Variants in SGK3 observed in about 807,000 individuals in gnomAD.
SGK3 encodes the protein serine/threonine-protein kinase Sgk3.
SGK3 carries 47 observed loss-of-function variants against 68.5 expected under a neutral mutation model. The ratio of observed to expected loss-of-function variants is 0.69; its 90% CI spans 0.54 to 0.87. The LOEUF is 0.87. Ranked by LOEUF, SGK3 falls within the 40% of genes least tolerant of loss-of-function variation. SGK3 has a pLI of 0.00. For synonymous variants in SGK3, 181 were observed against 189.1 expected, an observed-to-expected ratio of 0.96 and a Z score of 0.35; for missense variants, 479 against 575.5, an observed-to-expected ratio of 0.83 and a Z score of 1.72.
intron 10 of SGK3, among the ~76,000 whole-genome samples, chr8:66,836,925 A>G (rs147002135): frequency 9.2e-5 from 14 of 152,192 alleles, no homozygotes; most frequent in Admixed American, 5.9e-4. Context: ...TGTTTCAACC[A>G]ATCTCTTAAG....
At chr8:66,812,216 G>A (rs576890158) in intron 4 of SGK3, among the ~76,000 whole-genome samples, 5 of 152,226 alleles carry the variant, frequency 3.3e-5, no homozygotes, top group East Asian at 1.9e-4. Context: ...GACATTTGCC[G>A]TTAGGAGACA....
At chr8:66,751,344 G>T (rs150686259) in intron 1 of SGK3, among the ~76,000 whole-genome samples, 1 of 152,028 alleles carries the variant, frequency 6.6e-6, no homozygotes, top group African/African-American at 2.4e-5. Flanking sequence ...TTTTTATAGG[G>T]CATTTCTGTA....
chr8:66,759,646 G>C lies in SGK3; in HGVS notation c.-121-33970G>C, dbSNP rs545565360. ...GTTGTTTCACCATTTTGGCCAGGAT[G>C]GTTTTTGTTTGTTTGTTTGTTTGTT... is the stretch of plus-strand genomic sequence containing the variant. On this transcript the variant is annotated intron_variant, in intron 1 of 16. Transcript: ENST00000521198. 2.0e-5 allele frequency among the ~76,000 whole-genome samples: 3 copies of C among 151,766 alleles called. No individual in the cohort carries two copies. In the South Asian group the frequency reaches 6.2e-4, roughly 32 times the overall value.
chr8:66,785,713 G>C (rs1483723034), intron 1 of SGK3, among the ~76,000 whole-genome samples: 1 of 152,156 alleles, frequency 6.6e-6, no homozygotes, highest in Non-Finnish European at 1.5e-5. Context: ...CTAAGATTTG[G>C]CTGGCCTTGA....
chr8:66,752,381 G>A (rs2130435226), intron 1 of SGK3, among the ~76,000 whole-genome samples: 1 of 152,254 alleles, frequency 6.6e-6, no homozygotes, highest in Admixed American at 6.5e-5. Context: ...CACCTACAGG[G>A]CAGATATTAT....
intron 4 of SGK3, among the ~76,000 whole-genome samples, chr8:66,807,540 T>C (rs745662967): frequency 1.3e-5 from 2 of 152,180 alleles, no homozygotes; most frequent in Non-Finnish European, 2.9e-5. Context: ...TTGGCAACAG[T>C]GAAAAGGATC....
intron 5 of SGK3, 68 bp downstream of exon 5, chr8:66,813,996 T>C (rs1041773722): frequency 1.4e-4 from 183 of 1,337,202 alleles, no homozygotes; most frequent in Non-Finnish European, 1.7e-4. Context: ...ATAATCCTTA[T>C]ATAAATTTTG....
chr8:66,845,148 C>T (rs529179173), intron 14 of SGK3, among the ~76,000 whole-genome samples: 141 of 152,286 alleles, frequency 9.3e-4, no homozygotes, highest in African/African-American at 3.1e-3. Context: ...CCTGTAATCC[C>T]AGCACTTTGG....
rs1312276348 is a variant in SGK3, at chr8:66,723,120, TATATATATA to T, written c.-122+10288_-122+10296del. 7.2e-3 allele frequency among the ~76,000 whole-genome samples: 399 copies of T among 55,528 alleles called. 13 individuals are homozygous for T. The highest frequency in any genetic ancestry group is 0.028 in the African/African-American group (355 of 12,544). 36.4% of individuals were successfully genotyped at this position (55,528 alleles called of 152,430 possible). A position where few individuals can be genotyped will look rare whatever the true frequency, so the allele number is the denominator to read the frequency against. On this transcript the variant is annotated intron_variant, in intron 1 of 16. Transcript: ENST00000521198. ...ATATATATATATATATATATATATA[TATATATATA>T]TATTTTTTTTTTTTTTTTTTTTTGT...
chr8:66,722,577 AAAGATGTT>A (rs1467091220), intron 1 of SGK3, among the ~76,000 whole-genome samples: 1 of 152,210 alleles, frequency 6.6e-6, no homozygotes, highest in Non-Finnish European at 1.5e-5. Context: ...CAGCCTCTGC[AAAGATGTT>A]TTTATTCAGC....
At chr8:66,770,820 T>C (rs1006849854) in intron 1 of SGK3, among the ~76,000 whole-genome samples, 4 of 152,212 alleles carry the variant, frequency 2.6e-5, no homozygotes, top group Admixed American at 6.5e-5. Flanking sequence ...GTATACTGTC[T>C]TGTGAACTCT....
intron 15 of SGK3, among the ~76,000 whole-genome samples, chr8:66,848,033 C>T (rs16933080): frequency 0.14 from 20,575 of 151,992 alleles, 2,703 homozygotes; most frequent in African/African-American, 0.34. Flanking sequence ...AACTTTTGAA[C>T]TGCTTTCTCA....
chr8:66,802,671 AAAAG>A (rs1235320393), intron 3 of SGK3, among the ~76,000 whole-genome samples: 3 of 151,578 alleles, frequency 2.0e-5, no homozygotes, highest in Non-Finnish European at 2.9e-5. Context: ...CTTAAGGGAA[AAAAG>A]AAAGAAAGAG....
intron 1 of SGK3, among the ~76,000 whole-genome samples, chr8:66,782,209 C>G (rs182396057): frequency 1.3e-5 from 2 of 152,126 alleles, no homozygotes; most frequent in East Asian, 3.8e-4. Flanking sequence ...TAACTTAAAA[C>G]GAAACCTATT....
intron 6 of SGK3, among the ~76,000 whole-genome samples, chr8:66,823,781 C>G (rs1169892778): frequency 6.6e-6 from 1 of 151,894 alleles, no homozygotes; most frequent in East Asian, 1.9e-4. Context: ...ATTTACCATT[C>G]GAAGGTTATG....
chr8:66,780,467 A>G (rs556175965), intron 1 of SGK3, among the ~76,000 whole-genome samples: 1 of 152,228 alleles, frequency 6.6e-6, no homozygotes, highest in Non-Finnish European at 1.5e-5. Flanking sequence ...ATGAGGGAGG[A>G]TTAAGTTGGG....
intron 1 of SGK3, among the ~76,000 whole-genome samples, chr8:66,750,797 G>A (rs2130430442): frequency 6.6e-6 from 1 of 151,752 alleles, no homozygotes; most frequent in African/African-American, 2.4e-5. Context: ...TTGAGCCCAG[G>A]AGTTTGAGAC....
intron 1 of SGK3, among the ~76,000 whole-genome samples, chr8:66,735,437 G>C (rs1251545317): frequency 6.6e-6 from 1 of 152,218 alleles, no homozygotes; most frequent in Non-Finnish European, 1.5e-5. Flanking sequence ...TTTAGCGGAA[G>C]TCTCTTCTCA....
At chr8:66,835,068 G>A (rs1245263591) in intron 8 of SGK3, among the ~76,000 whole-genome samples, 1 of 151,980 alleles carries the variant, frequency 6.6e-6, no homozygotes, top group African/African-American at 2.4e-5. Context: ...CCAGGAGTTT[G>A]AGACCAGCCT....
Sources: allele counts gnomAD v4.1 joint callset (sites outside exome capture counted in the v4.1 genomes callset), GRCh38; gene constraint gnomAD v4.1.1; transcripts MANE v1.5; gene names NCBI Gene and HGNC (gene_info 2026-07-23, HGNC 2026-07-21).